Variants in TMEM117 observed in about 807,000 individuals in gnomAD.
TMEM117 encodes transmembrane protein 117.
TMEM117 carries 27 observed loss-of-function variants against 52.4 expected under a neutral mutation model. That is an observed-to-expected ratio of 0.51 (90% CI 0.38 to 0.71). The LOEUF (loss-of-function observed/expected upper bound fraction) is 0.71. Ranked by LOEUF, TMEM117 falls within the 30% of genes least tolerant of loss-of-function variation. TMEM117 has a pLI of 0.00. For synonymous variants in TMEM117, 215 were observed against 206.3 expected (o/e 1.04, Z -0.36); for missense variants, 556 against 630.5 (o/e 0.88, Z 1.26).
At chr12:44,238,646 AAAC>A (rs748966377) in intron 5 of TMEM117, among the ~76,000 whole-genome samples, 7 of 151,816 alleles carry the variant, frequency 4.6e-5, no homozygotes, top group East Asian at 1.9e-4. Flanking sequence ...CCCTGTCTCT[AAAC>A]AACAACAACA....
At chr12:43,842,421 C>T (rs1306110100) in intron 1 of TMEM117, among the ~76,000 whole-genome samples, 1 of 152,126 alleles carries the variant, frequency 6.6e-6, no homozygotes, top group Non-Finnish European at 1.5e-5. Context: ...ATCCAGGGCA[C>T]AGTCACTATT....
intron 3 of TMEM117, among the ~76,000 whole-genome samples, chr12:44,026,030 A>C (rs555705481): frequency 6.6e-6 from 1 of 152,122 alleles, no homozygotes; most frequent in Non-Finnish European, 1.5e-5. Context: ...GTGGACCAAT[A>C]ATCTTTTCTA....
chr12:44,267,987 C>T (rs1349430684), intron 5 of TMEM117, among the ~76,000 whole-genome samples: 1 of 152,128 alleles, frequency 6.6e-6, no homozygotes, highest in Non-Finnish European at 1.5e-5. Flanking sequence ...CTTTAACATA[C>T]TTATTTCATG....
intron 6 of TMEM117, among the ~76,000 whole-genome samples, chr12:44,369,502 A>G (rs908006570): frequency 6.6e-6 from 1 of 152,194 alleles, no homozygotes; most frequent in Non-Finnish European, 1.5e-5. Flanking sequence ...AGAATTTTCC[A>G]GGAAAATTCA....
chr12:43,875,114 T>C (rs1308246034), intron 2 of TMEM117, among the ~76,000 whole-genome samples: 2 of 152,218 alleles, frequency 1.3e-5, no homozygotes, highest in African/African-American at 4.8e-5. Context: ...TCGCCCAAAA[T>C]TATTTTGTAA....
intron 4 of TMEM117, among the ~76,000 whole-genome samples, chr12:44,185,489 G>A (rs1219409593): frequency 6.6e-6 from 1 of 152,108 alleles, no homozygotes; most frequent in Non-Finnish European, 1.5e-5. Context: ...ACAGAAAAGT[G>A]AGTTATTAAA....
chr12:44,335,402 A>C (rs1041258076), intron 6 of TMEM117, among the ~76,000 whole-genome samples: 3 of 152,066 alleles, frequency 2.0e-5, no homozygotes, highest in Non-Finnish European at 4.4e-5. Flanking sequence ...TAGTATTTTT[A>C]ATTCACTCTC....
chr12:43,949,512 G>A (rs1441162214), intron 3 of TMEM117, among the ~76,000 whole-genome samples: 2 of 152,136 alleles, frequency 1.3e-5, no homozygotes, highest in African/African-American at 4.8e-5. Context: ...TCATATACTA[G>A]TTAAACTCCG....
the TMEM117 span, chr12:43,795,811 TG>T: frequency 6.3e-7 from 1 of 1,578,736 alleles, no homozygotes; most frequent in Non-Finnish European, 8.7e-7. Flanking sequence ...AGCAACAAGC[TG>T]GTTTTCAGGT....
At chr12:43,820,246 C>T in the TMEM117 span, among the ~76,000 whole-genome samples, 3 of 151,780 alleles carry the variant, frequency 2.0e-5, no homozygotes, top group Non-Finnish European at 2.9e-5. Flanking sequence ...TACAGGCGTG[C>T]GCCACCACGC....
intron 3 of TMEM117, among the ~76,000 whole-genome samples, chr12:43,979,826 A>G (rs1009444955): frequency 6.6e-6 from 1 of 152,132 alleles, no homozygotes; most frequent in Non-Finnish European, 1.5e-5. Flanking sequence ...TTTAAAGGCT[A>G]CTGTTCTATC....
At chr12:44,311,220 G>A (rs1592683767) in intron 6 of TMEM117, among the ~76,000 whole-genome samples, 1 of 151,734 alleles carries the variant, frequency 6.6e-6, no homozygotes, top group East Asian at 1.9e-4. Flanking sequence ...TGCTGAAAAC[G>A]ATATTTATAT....
intron 2 of TMEM117, among the ~76,000 whole-genome samples, chr12:43,906,132 G>A (rs1944382814): frequency 6.6e-6 from 1 of 151,942 alleles, no homozygotes; most frequent in South Asian, 2.1e-4. Context: ...TCATACTTGT[G>A]CAATACATTT....
At chr12:44,161,447 A>G (rs1948897235) in intron 4 of TMEM117, among the ~76,000 whole-genome samples, 2 of 152,190 alleles carry the variant, frequency 1.3e-5, no homozygotes, top group South Asian at 2.1e-4. Flanking sequence ...ATAGGCTCTC[A>G]TAAATGCTAG....
intron 4 of TMEM117, among the ~76,000 whole-genome samples, chr12:44,176,454 C>A (rs937341875): frequency 1.3e-5 from 2 of 152,106 alleles, no homozygotes; most frequent in Non-Finnish European, 2.9e-5. Flanking sequence ...TATAGAGATC[C>A]CTATCAAACT....
In TMEM117 at chr12:43,879,564, T is replaced by C. The variant is rs76366450; in HGVS notation, c.277+34636T>C. On this transcript the variant is annotated intron_variant, in intron 2 of 7. Coordinates refer to ENST00000266534, the MANE Select transcript of TMEM117 (RefSeq NM_032256.3). Reference sequence around the variant, plus strand: ...CAGTAGAGGTACAAGTTGTGCCTCCTCCTAATTCTGGGTCTAATGAGGGCT... The same window carrying C: ...CAGTAGAGGTACAAGTTGTGCCTCCCCCTAATTCTGGGTCTAATGAGGGCT... Among the ~76,000 whole-genome samples, 647 of 152,300 alleles carry C rather than the reference T, an allele frequency of 4.2e-3. 7 individuals carry two copies. The highest frequency in any genetic ancestry group is 0.013 in the African/African-American group (548 of 41,566).
At chr12:44,037,581 C>G (rs905089169) in intron 3 of TMEM117, among the ~76,000 whole-genome samples, 1 of 152,164 alleles carries the variant, frequency 6.6e-6, no homozygotes, top group Non-Finnish European at 1.5e-5. Flanking sequence ...GGGCCTGAAG[C>G]CTGGGGGCCT....
intron 3 of TMEM117, among the ~76,000 whole-genome samples, chr12:43,963,704 G>A (rs1378583154): frequency 6.6e-6 from 1 of 152,200 alleles, no homozygotes; most frequent in Non-Finnish European, 1.5e-5. Context: ...ACTAGAAGAT[G>A]CAAGTCAAGG....
intron 6 of TMEM117, among the ~76,000 whole-genome samples, chr12:44,304,133 C>G (rs1342619811): frequency 1.3e-5 from 2 of 152,162 alleles, no homozygotes; most frequent in African/African-American, 4.8e-5. Context: ...TTGCTGATAC[C>G]TCTCTTCCCC....
Sources: gnomAD v4.1 joint callset for allele counts (sites outside exome capture counted in the v4.1 genomes callset) on GRCh38, gnomAD v4.1.1 for gene constraint, MANE v1.5 for transcripts, NCBI Gene and HGNC (gene_info 2026-07-23, HGNC 2026-07-21) for gene names.